Variants in IGF2BP3 observed in about 807,000 individuals in gnomAD.
IGF2BP3 encodes the protein insulin-like growth factor 2 mRNA-binding protein 3.
IGF2BP3 carries 9 observed loss-of-function variants against 73.8 expected under a neutral mutation model. That is an observed-to-expected ratio of 0.12 (90% CI 0.07 to 0.21). IGF2BP3 has a LOEUF of 0.21. IGF2BP3 is among the 10% of genes least tolerant of loss of function. The probability of loss-of-function intolerance (pLI) is 1.00; values close to 1 mark genes in which losing one functional copy is unlikely to be tolerated. For synonymous variants in IGF2BP3, 258 were observed against 256.7 expected, an observed-to-expected ratio of 1.01 and a Z score of -0.05; for missense variants, 542 against 714.0, an observed-to-expected ratio of 0.76 and a Z score of 2.75.
chr7:23,353,872 T>C (rs1785027707), intron 5 of IGF2BP3, among the ~76,000 whole-genome samples: 1 of 152,238 alleles, frequency 6.6e-6, no homozygotes, highest in Non-Finnish European at 1.5e-5. Flanking sequence ...ACCTAAAATA[T>C]TTTGGTTATT....
At chr7:23,360,358 C>G (rs926866210) in intron 5 of IGF2BP3, among the ~76,000 whole-genome samples, 1 of 152,104 alleles carries the variant, frequency 6.6e-6, no homozygotes, top group Admixed American at 6.6e-5. Context: ...TACTATGTAA[C>G]TATAAAAAAT....
chr7:23,467,718 G>GC (rs751008183), intron 2 of IGF2BP3: 8 of 152,222 alleles, frequency 5.3e-5, no homozygotes, highest in Non-Finnish European at 7.3e-5. Flanking sequence ...TCTCCAAAAT[G>GC]CTTCAGAGGC....
intron 3 of IGF2BP3, among the ~76,000 whole-genome samples, chr7:23,409,599 AT>A (rs1392730371): frequency 1.2e-4 from 18 of 152,354 alleles, no homozygotes; most frequent in Admixed American, 5.9e-4. Context: ...AATATGGTCA[AT>A]TGATTTGTAA....
rs12700428 is a variant in IGF2BP3 at position 23,396,808 on chromosome 7, G to A, written c.285+21968C>T. Among the ~76,000 whole-genome samples the A allele has an allele frequency of 0.25, 37,737 of 152,046 alleles. 4,905 individuals are homozygous for A. Among genetic ancestry groups the A allele is most frequent in the South Asian group, 0.33 (1,603 of 4,810 alleles). ...GGAAGTAAAGTACTTCACAGTACTG[G>A]AGCACACAGCATGTGAATTTCAGCC... is the stretch of plus-strand genomic sequence containing the variant. On this transcript the variant is annotated intron_variant, in intron 3 of 14. Transcript: ENST00000258729.
At chr7:23,336,526 G>C (rs1252885753) in intron 10 of IGF2BP3, among the ~76,000 whole-genome samples, 1 of 149,846 alleles carries the variant, frequency 6.7e-6, no homozygotes, top group African/African-American at 2.5e-5. Context: ...TTTTTTTTGA[G>C]ACAGAGTCTT....
Position 23,334,193 on chromosome 7 carries a change from G to C in IGF2BP3, c.1203+7871C>G, listed in dbSNP as rs565844164. Reference sequence around the variant, plus strand: ...TCTACTAAAAGTACAAAAATTAGCTGGGCACGTGACTGTAATTCCAGCTAC... The same window carrying C: ...TCTACTAAAAGTACAAAAATTAGCTCGGCACGTGACTGTAATTCCAGCTAC... On this transcript the variant is annotated intron_variant, in intron 10 of 14. Coordinates refer to ENST00000258729, the MANE Select transcript of IGF2BP3 (RefSeq NM_006547.3). Among the ~76,000 whole-genome samples the C allele has an allele frequency of 9.9e-5, 15 of 152,098 alleles. 1 individual carries two copies. Among genetic ancestry groups the C allele is most frequent in the African/African-American group, 3.1e-4 (13 of 41,488 alleles).
intron 2 of IGF2BP3, among the ~76,000 whole-genome samples, chr7:23,437,804 A>G (rs1175841206): frequency 6.6e-6 from 1 of 152,212 alleles, no homozygotes; most frequent in Non-Finnish European, 1.5e-5. Flanking sequence ...AAGCCATACC[A>G]AGTACTTGAA....
chr7:23,362,751 T>C (rs1365808216), intron 3 of IGF2BP3: 1 of 150,946 alleles, frequency 6.6e-6, no homozygotes, highest in African/African-American at 2.4e-5. Context: ...AATTTTCTTA[T>C]TTATTTATTT....
In IGF2BP3 at chr7:23,469,804, G is replaced by T; in HGVS notation, c.175+132C>A. ...GAGAGCCCCGGCCCCCACGCGCGTG[G>T]GTGTGGGCGCTCAGGCCTCACCCCC... On this transcript the variant is annotated intron_variant, in intron 1 of 14. Transcript: ENST00000258729. This position sits in a 1 kb window ranked among gnomAD's most constrained non-coding sequence, Gnocchi z 6.1. 2.4e-6 allele frequency: 1 copy of T among 418,464 alleles called. No individual in the cohort carries two copies. Among genetic ancestry groups the T allele is most frequent in the Non-Finnish European group, 3.9e-6 (1 of 255,854 alleles). The allele number at this position is 418,464 out of a possible 1,614,324, so 25.9% of individuals were successfully genotyped here. A position where few individuals can be genotyped will look rare whatever the true frequency, so the allele number is the denominator to read the frequency against.
At chr7:23,448,637 G>T (rs1328065139) in intron 2 of IGF2BP3, among the ~76,000 whole-genome samples, 3 of 151,492 alleles carry the variant, frequency 2.0e-5, no homozygotes, top group East Asian at 3.9e-4. Flanking sequence ...TTGTTTGTTT[G>T]TTTGTTTTTT....
intron 2 of IGF2BP3, among the ~76,000 whole-genome samples, chr7:23,430,786 T>C (rs1037558652): frequency 6.6e-6 from 1 of 152,206 alleles, no homozygotes; most frequent in African/African-American, 2.4e-5. Context: ...TGTCTTATCC[T>C]CTAACTCAAG....
chr7:23,312,544 T>G (rs537757764), intron 14 of IGF2BP3, 84 bp from the exon 15 acceptor site: 7 of 1,066,896 alleles, frequency 6.6e-6, no homozygotes, highest in Non-Finnish European at 1.0e-5. Flanking sequence ...CAATTTCAAA[T>G]AGAAATCCAT....
chr7:23,378,029 G>T (rs1459937435), intron 3 of IGF2BP3, among the ~76,000 whole-genome samples: 2 of 152,070 alleles, frequency 1.3e-5, no homozygotes, highest in East Asian at 3.9e-4. Context: ...AAGATTAGTG[G>T]TGATACTTCC....
In IGF2BP3 at chr7:23,430,362, G is replaced by A. The variant is rs138508114; in HGVS notation, c.237-11538C>T. Among the ~76,000 whole-genome samples the A allele has an allele frequency of 5.7e-3, 870 of 152,294 alleles. 12 individuals are homozygous for A. Among genetic ancestry groups the A allele is most frequent in the African/African-American group, 0.02 (824 of 41,550 alleles). ...CGGGATTACAGGCAGGAGCCACCGCGCCCAGCTGCCTTATTTCTTATGCAA... is the reference window on the plus strand; with the variant it reads ...CGGGATTACAGGCAGGAGCCACCGCACCCAGCTGCCTTATTTCTTATGCAA... On this transcript the variant is annotated intron_variant, in intron 2 of 14. Coordinates refer to ENST00000258729, the MANE Select transcript of IGF2BP3 (RefSeq NM_006547.3).
chr7:23,337,122 T>C (rs777031871), intron 10 of IGF2BP3, among the ~76,000 whole-genome samples: 31 of 152,136 alleles, frequency 2.0e-4, no homozygotes, highest in Non-Finnish European at 3.8e-4. Flanking sequence ...AGTCTAAAAA[T>C]AGTGAAGGCA....
At chr7:23,340,091 T>C (rs1221164348) in intron 10 of IGF2BP3, among the ~76,000 whole-genome samples, 1 of 152,208 alleles carries the variant, frequency 6.6e-6, no homozygotes, top group Non-Finnish European at 1.5e-5. Flanking sequence ...TGACCTTCAG[T>C]GACACAAAAT....
intron 2 of IGF2BP3, among the ~76,000 whole-genome samples, chr7:23,437,512 AT>A (rs1787833849): frequency 6.6e-6 from 1 of 151,900 alleles, no homozygotes; most frequent in Non-Finnish European, 1.5e-5. Context: ...AAATAAATAA[AT>A]AAATAAATAA....
chr7:23,419,435 T>C (rs1006822865), intron 2 of IGF2BP3, among the ~76,000 whole-genome samples: 33 of 152,248 alleles, frequency 2.2e-4, no homozygotes, highest in African/African-American at 7.2e-4. Context: ...CTGTGAAACT[T>C]AGATGTGTTG....
intron 2 of IGF2BP3, among the ~76,000 whole-genome samples, chr7:23,457,397 G>C (rs146752866): frequency 6.6e-6 from 1 of 152,040 alleles, no homozygotes; most frequent in South Asian, 2.1e-4. Context: ...CCCGGCAGGT[G>C]GAGGTTTCAG....
Sources: allele counts gnomAD v4.1 joint callset (sites outside exome capture counted in the v4.1 genomes callset), GRCh38; gene constraint gnomAD v4.1.1; non-coding constraint Gnocchi (gnomAD v3.1); transcripts MANE v1.5; gene names NCBI Gene and HGNC (gene_info 2026-07-23, HGNC 2026-07-21).